AFF4: variants seen among roughly 807,000 people sequenced by gnomAD.
The protein encoded by AFF4 is AF4/FMR2 family member 4.
A neutral mutation model predicts 124.8 loss-of-function variants in AFF4; 13 were observed. The observed-to-expected ratio is 0.10, with a 90% CI of 0.07 to 0.17. AFF4 has a LOEUF of 0.17. AFF4 is among the 10% of genes least tolerant of loss of function. The pLI is 1.00. For synonymous variants in AFF4, 477 were observed against 496.1 expected (o/e 0.96, Z 0.51); for missense variants, 1,092 against 1,403.8 (o/e 0.78, Z 3.55).
intron 1 of AFF4, among the ~76,000 whole-genome samples, chr5:132,940,624 A>G (rs550521463): frequency 2.0e-5 from 3 of 152,260 alleles, no homozygotes; most frequent in Non-Finnish European, 4.4e-5. Flanking sequence ...TTCCTATAAT[A>G]AAATTCTTTC....
chr5:132,962,034 C>T lies in AFF4; in HGVS notation c.-5+1225G>A, dbSNP rs1349195569. Among the ~76,000 whole-genome samples the T allele has an allele frequency of 2.0e-5, 3 of 152,136 alleles. No individual in the cohort carries two copies. The East Asian group carries it at 5.8e-4, about 29-fold the overall frequency. On this transcript the variant is annotated intron_variant, in intron 1 of 20. Transcript: ENST00000265343. ...CCAGCTTTGTTGAAAACCAAGTGGC[C>T]ACTTGCCAACACTTCTTTATGCACG...
Position 132,897,082 on chromosome 5 carries a change from A to C in AFF4, c.1548T>G (p.Thr516=). 1 of 1,614,142 alleles carries C rather than the reference A, an allele frequency of 6.2e-7. No individual in the cohort carries two copies. The change falls in exon 11 of 21, where the codon ACT becomes ACG. Residue 516 remains threonine (T), a synonymous_variant. Coordinates refer to ENST00000265343, the MANE Select transcript of AFF4 (RefSeq NM_014423.4). ...GREQGTGNSY[T]DTSGPKETSS... ...TCGTTTCTTTAGGTCCACTTGTATC[A>C]GTGTAGCTATTCCCAGTGCCCTGCT...
chr5:132,901,827 A>G (rs1760559609), intron 7 of AFF4, among the ~76,000 whole-genome samples: 1 of 152,178 alleles, frequency 6.6e-6, no homozygotes, highest in Admixed American at 6.5e-5. Context: ...TCTCAGAGCA[A>G]AGGTGGGCAA....
At chr5:132,936,730 C>T (rs938408174) in intron 2 of AFF4, among the ~76,000 whole-genome samples, 1 of 152,164 alleles carries the variant, frequency 6.6e-6, no homozygotes, top group African/African-American at 2.4e-5. Context: ...ACTCAGACCA[C>T]ATTTTTAAGA....
chr5:132,962,687 G>A (rs975736688), intron 1 of AFF4, among the ~76,000 whole-genome samples: 13 of 151,922 alleles, frequency 8.6e-5, no homozygotes, highest in African/African-American at 2.9e-4. Flanking sequence ...AAGCTACTGG[G>A]ATAACTAGGT....
chr5:132,921,466 TTTTTTTC>T (rs1761045265), intron 5 of AFF4, among the ~76,000 whole-genome samples: 1 of 123,238 alleles, frequency 8.1e-6, no homozygotes, highest in Non-Finnish European at 1.7e-5. Flanking sequence ...TGTTTTCTTT[TTTTTTTC>T]TTTTTTTTTT....
At chr5:132,891,798 ATCT>A (rs1426366656) in intron 13 of AFF4, 1 of 235,740 alleles carries the variant, frequency 4.2e-6, no homozygotes, top group Non-Finnish European at 7.8e-6. Context: ...ACTGGTTTCT[ATCT>A]TTTTTTTTTT....
chr5:132,956,085 A>G (rs1761953647), intron 1 of AFF4, among the ~76,000 whole-genome samples: 1 of 151,956 alleles, frequency 6.6e-6, no homozygotes, highest in African/African-American at 2.4e-5. Flanking sequence ...CCTAACAGCC[A>G]CCAAGTAAAT....
intron 16 of AFF4, 93 bp from the exon 17 acceptor site, chr5:132,887,685 C>A: frequency 6.5e-7 from 1 of 1,528,766 alleles, no homozygotes; most frequent in Admixed American, 1.7e-5. Context: ...AATTTCAAAC[C>A]TAAATAAAAG....
At position 132,954,586 on chromosome 5, in the gene AFF4, C is replaced by T. The variant is rs1304776077; in HGVS notation, c.-5+8673G>A. ...TTTTTGAGACGGAGTCTCGCTCTGT[C>T]GCCCAGGCTGGAGTGCAGTGGCGGG... On this transcript the variant is annotated intron_variant, in intron 1 of 20. Coordinates refer to ENST00000265343, the MANE Select transcript of AFF4 (RefSeq NM_014423.4). Among the ~76,000 whole-genome samples, 14 of 136,720 alleles carry T rather than the reference C, an allele frequency of 1.0e-4. No individual in the cohort carries two copies. In the South Asian group the frequency reaches 1.9e-3, roughly 18 times the overall value. 89.7% of individuals were successfully genotyped at this position (136,720 alleles called of 152,430 possible).
chr5:132,883,241 A>G, intron 20 of AFF4, 99 bp downstream of exon 20: 2 of 1,119,042 alleles, frequency 1.8e-6, no homozygotes, highest in Non-Finnish European at 1.3e-6. Flanking sequence ...TTAACTCTAA[A>G]TAATAAAACT....
At chr5:132,950,305 G>A (rs866186036) in intron 1 of AFF4, among the ~76,000 whole-genome samples, 4 of 151,472 alleles carry the variant, frequency 2.6e-5, no homozygotes, top group Admixed American at 2.0e-4. Context: ...GAGAAACCCC[G>A]TCTCTACTAA....
chr5:132,934,853 A>T lies in AFF4; in HGVS notation c.212T>A (p.Ile71Lys). ...CTTGGGAATTGCAACAAGCTTTGGT[A>T]TAGATCTGTCTCCTATGAAATCCTT... Reference protein sequence around the residue: ...EMKDFIGDRSIPKLVAIPKPT... With the variant: ...EMKDFIGDRSKPKLVAIPKPT... Residue 71 changes from isoleucine to lysine, a missense_variant, in exon 3 of 21, where the codon ATA (isoleucine) becomes AAA (lysine). Physicochemically the swap from Ile to Lys is moderately radical, Grantham distance 102. Coordinates refer to ENST00000265343, the MANE Select transcript of AFF4 (RefSeq NM_014423.4). The T allele has an allele frequency of 6.2e-7, 1 of 1,614,114 alleles. No homozygotes were observed. The highest frequency in any genetic ancestry group is 8.5e-7 in the Non-Finnish European group (1 of 1,179,986).
intron 5 of AFF4, among the ~76,000 whole-genome samples, chr5:132,918,325 C>T (rs1461364532): frequency 6.6e-6 from 1 of 151,194 alleles, no homozygotes. Context: ...CGTGCCACTG[C>T]ACTCCAGCCT....
Position 132,934,948 on chromosome 5 carries a change from A to AAAAAT in AFF4, c.124-12_124-8dup. ...ACTTATCTTCTTTGCTAGTCTACAA[A>AAAAAT]AAAATAAAATAAAATAAAATTATAA... On this transcript the variant is annotated splice_region_variant and splice_polypyrimidine_tract_variant and intron_variant, in intron 2 of 20. Transcript: ENST00000265343. 5 of 1,513,004 alleles carry AAAAAT rather than the reference A, an allele frequency of 3.3e-6. No homozygotes were observed. Among genetic ancestry groups the AAAAAT allele is most frequent in the Non-Finnish European group, 4.4e-6 (5 of 1,127,438 alleles). The allele number at this position is 1,513,004 out of a possible 1,614,324, so 93.7% of individuals were successfully genotyped here. A position where few individuals can be genotyped will look rare whatever the true frequency, so the allele number is the denominator to read the frequency against.
intron 4 of AFF4, 93 bp from the exon 5 acceptor site, chr5:132,927,300 C>T: frequency 1.9e-6 from 2 of 1,046,112 alleles, no homozygotes; most frequent in Non-Finnish European, 2.8e-6. Flanking sequence ...ATACTGGTTT[C>T]ATGACAGCTC....
At chr5:132,959,409 C>T (rs1424840204) in intron 1 of AFF4, among the ~76,000 whole-genome samples, 3 of 151,782 alleles carry the variant, frequency 2.0e-5, no homozygotes, top group African/African-American at 4.8e-5. Flanking sequence ...CATGAGCCAC[C>T]GGGCCCGGCA....
chr5:132,877,425 G>A lies in AFF4; in HGVS notation c.*3634C>T. 1 of 216,712 alleles carries A rather than the reference G, an allele frequency of 4.6e-6. No individual in the cohort carries two copies. Among genetic ancestry groups the A allele is most frequent in the Non-Finnish European group, 9.3e-6 (1 of 107,478 alleles). 13.4% of individuals were successfully genotyped at this position (216,712 alleles called of 1,614,324 possible). ...ATATTCAAGGTGTCAACAAGAAAGT[G>A]TCTTAGATCAATTTAATAAATAATG... On this transcript the variant is annotated 3_prime_UTR_variant, in exon 21 of 21. Coordinates refer to ENST00000265343, the MANE Select transcript of AFF4 (RefSeq NM_014423.4).
rs562491593 is a variant in AFF4 at position 132,878,274 on chromosome 5, T to C, written c.*2785A>G. The C allele has an allele frequency of 4.3e-6, 1 of 230,028 alleles. No homozygotes were observed. Among genetic ancestry groups the C allele is most frequent in the East Asian group, 6.2e-5 (1 of 16,184 alleles). The allele number at this position is 230,028 out of a possible 1,614,324, so 14.2% of individuals were successfully genotyped here. A position where few individuals can be genotyped will look rare whatever the true frequency, so the allele number is the denominator to read the frequency against. On this transcript the variant is annotated 3_prime_UTR_variant, in exon 21 of 21. Coordinates refer to ENST00000265343, the MANE Select transcript of AFF4 (RefSeq NM_014423.4). Reference sequence around the variant, plus strand: ...CACTGCAATTGGTTCGTTGGTTGCTTGTAAAGAGTCTAATGGTGTATAGGC... The same window carrying C: ...CACTGCAATTGGTTCGTTGGTTGCTCGTAAAGAGTCTAATGGTGTATAGGC...
Sources: allele counts gnomAD v4.1 joint callset (sites outside exome capture counted in the v4.1 genomes callset), GRCh38; gene constraint gnomAD v4.1.1; transcripts MANE v1.5; gene names NCBI Gene and HGNC (gene_info 2026-07-23, HGNC 2026-07-21).